Variants in DISP1 observed in about 807,000 individuals in gnomAD.
DISP1 encodes dispatched RND transporter family member 1.
A neutral mutation model predicts 37.3 loss-of-function variants in DISP1; 30 were observed. That is an observed-to-expected ratio of 0.80 (90% CI 0.60 to 1.09). The LOEUF (loss-of-function observed/expected upper bound fraction) is 1.09. Among genes scored for constraint, DISP1 ranks in the 50% least tolerant of loss-of-function variants. The pLI is 0.00. For missense variants in DISP1, 1,598 were observed against 1,879.5 expected, an observed-to-expected ratio of 0.85 and a Z score of 2.77; for synonymous variants, 634 against 690.2, an observed-to-expected ratio of 0.92 and a Z score of 1.28.
In DISP1 at chr1:222,937,497, G is replaced by A. The variant is rs74963732; in HGVS notation, c.-17-5310G>A. Among the ~76,000 whole-genome samples the A allele has an allele frequency of 2.0e-4, 31 of 152,226 alleles. No individual in the cohort carries two copies. In the East Asian group the frequency reaches 4.4e-3, roughly 22 times the overall value. ...TATATACAAGGGTATTAACACTCTC[G>A]TGTTATATAGCCCATTCTGGTTTTC... On this transcript the variant is annotated intron_variant, in intron 2 of 8. Transcript: ENST00000675850.
chr1:222,861,003 A>G (rs1335372561), intron 1 of DISP1, among the ~76,000 whole-genome samples: 2 of 152,264 alleles, frequency 1.3e-5, no homozygotes, highest in Non-Finnish European at 2.9e-5. Flanking sequence ...TTTGATAAAA[A>G]TAGAAATTTA....
intron 1 of DISP1, among the ~76,000 whole-genome samples, chr1:222,921,044 T>C (rs796146845): frequency 2.2e-4 from 33 of 152,344 alleles, no homozygotes; most frequent in African/African-American, 7.5e-4. Flanking sequence ...GCACAGTGGC[T>C]CACGCCTGTA....
intron 2 of DISP1, among the ~76,000 whole-genome samples, chr1:222,932,442 CTAAT>C (rs1673457822): frequency 6.6e-6 from 1 of 151,888 alleles, no homozygotes; most frequent in Non-Finnish European, 1.5e-5. Context: ...GTAGCAGAGT[CTAAT>C]TAAATGTTTT....
chr1:222,820,766 A>G (rs1409012127), intron 1 of DISP1, among the ~76,000 whole-genome samples: 1 of 152,196 alleles, frequency 6.6e-6, no homozygotes, highest in Non-Finnish European at 1.5e-5. Context: ...ATTATAGGAA[A>G]TACAAGATAA....
At position 222,949,070 on chromosome 1, in the gene DISP1, T is replaced by A. The variant is rs569529572; in HGVS notation, c.509+5738T>A. 5.0e-3 allele frequency among the ~76,000 whole-genome samples: 763 copies of A among 152,146 alleles called. 4 individuals carry two copies. Among genetic ancestry groups the A allele is most frequent in the African/African-American group, 0.013 (553 of 41,500 alleles). ...ATATCAACCATCTGTGTGTTTTTTT[T>A]AAAAAAAAATTCCTTTTTAGTGTTC... On this transcript the variant is annotated intron_variant, in intron 3 of 8. Transcript: ENST00000675850.
Position 223,003,861 on chromosome 1 carries a change from G to A in DISP1, c.2464G>A (p.Ala822Thr). 6.2e-7 allele frequency: 1 copy of A among 1,614,150 alleles called. No individual in the cohort carries two copies. Among genetic ancestry groups the A allele is most frequent in the Non-Finnish European group, 8.5e-7 (1 of 1,180,032 alleles). Residue 822 changes from alanine (A) to threonine (T), a missense_variant, in exon 9 of 9, where the codon GCT becomes ACT. Coordinates refer to ENST00000675850, the MANE Select transcript of DISP1 (RefSeq NM_001377229.1). The surrounding 1 kb of genome is among the most constrained non-coding windows in gnomAD (Gnocchi z 4.3). ...TAGCAGTTTTAACATCGCCAGCCCAGCTTCCCAGGCCTGGATTTTGCACTT... is the reference window on the plus strand; with the variant it reads ...TAGCAGTTTTAACATCGCCAGCCCAACTTCCCAGGCCTGGATTTTGCACTT... The part of the protein sequence containing the change: ...LDSSFNIASP[A>T]SQAWILHFCQ...
chr1:222,942,882 C>T lies in DISP1; in HGVS notation c.59C>T (p.Thr20Ile), dbSNP rs1166585916. 6.2e-7 allele frequency: 1 copy of T among 1,614,148 alleles called. No homozygotes were observed. The highest frequency in any genetic ancestry group is 1.7e-5 in the Admixed American group (1 of 60,028). Reference sequence around the variant, plus strand: ...GTTCTGAGCAACAGCAGCATCGCAACCAGTGCTGCTAACCCGAGTCCCCTC... The same window carrying T: ...GTTCTGAGCAACAGCAGCATCGCAATCAGTGCTGCTAACCCGAGTCCCCTC... ...FVVLSNSSIATSAANPSPLTP... is the reference protein window; with the variant it reads ...FVVLSNSSIAISAANPSPLTP... The change falls in exon 3 of 9, where the codon ACC becomes ATC. Residue 20 changes from threonine (T) to isoleucine (I), a missense_variant. Thr to Ile is a moderately conservative substitution (Grantham distance 89, BLOSUM62 -1). Coordinates refer to ENST00000675850, the MANE Select transcript of DISP1 (RefSeq NM_001377229.1).
At position 222,933,167 on chromosome 1, in the gene DISP1, G is replaced by T. The variant is rs574945828; in HGVS notation, c.-18+4597G>T. On this transcript the variant is annotated intron_variant, in intron 2 of 8. Transcript: ENST00000675850. ...GCAGATATACTGCAATATCGTTAAG[G>T]TTATTTTACATTCATATTTTTTGTT... is the stretch of plus-strand genomic sequence containing the variant. Among the ~76,000 whole-genome samples, 5 of 152,006 alleles carry T rather than the reference G, an allele frequency of 3.3e-5. No homozygotes were observed. In the East Asian group the frequency reaches 9.6e-4, roughly 29 times the overall value.
chr1:222,999,800 A>G (rs1450527066), intron 8 of DISP1, among the ~76,000 whole-genome samples: 1 of 152,166 alleles, frequency 6.6e-6, no homozygotes, highest in Non-Finnish European at 1.5e-5. Context: ...AACTCAGGGT[A>G]GAGAAAACCA....
At chr1:222,967,963 A>G (rs1676632961) in intron 3 of DISP1, among the ~76,000 whole-genome samples, 1 of 152,192 alleles carries the variant, frequency 6.6e-6, no homozygotes, top group Admixed American at 6.5e-5. Flanking sequence ...CAAGCTACAG[A>G]TGCAAGAATA....
chr1:222,904,388 A>G (rs1671781066), intron 1 of DISP1, among the ~76,000 whole-genome samples: 1 of 152,092 alleles, frequency 6.6e-6, no homozygotes, highest in Non-Finnish European at 1.5e-5. Flanking sequence ...GATATTATTT[A>G]TATAGAAACA....
intron 1 of DISP1, among the ~76,000 whole-genome samples, chr1:222,856,477 G>A (rs1249702031): frequency 2.0e-5 from 3 of 152,102 alleles, no homozygotes; most frequent in African/African-American, 4.8e-5. Context: ...TTTCTTTTAG[G>A]GCTAGTATAG....
intron 1 of DISP1, among the ~76,000 whole-genome samples, chr1:222,826,347 C>T (rs1664386228): frequency 6.7e-6 from 1 of 149,390 alleles, no homozygotes; most frequent in African/African-American, 2.5e-5. Context: ...GGCTCAATTG[C>T]AGATTTGTAG....
intron 2 of DISP1, among the ~76,000 whole-genome samples, chr1:222,929,002 T>C (rs982730675): frequency 6.6e-6 from 1 of 152,206 alleles, no homozygotes; most frequent in African/African-American, 2.4e-5. Context: ...TTAGTCACTT[T>C]TGTGAATTAA....
intron 3 of DISP1, among the ~76,000 whole-genome samples, chr1:222,949,082 C>T (rs75336311): frequency 0.094 from 14,223 of 151,638 alleles, 990 homozygotes; most frequent in Non-Finnish European, 0.13. Flanking sequence ...AAAAAAAATT[C>T]CTTTTTAGTG....
intron 1 of DISP1, among the ~76,000 whole-genome samples, chr1:222,818,258 A>G (rs1300994133): frequency 6.6e-6 from 1 of 152,212 alleles, no homozygotes; most frequent in Admixed American, 6.5e-5. Flanking sequence ...TAGAATTGCC[A>G]GCTCCTGGTG....
At chr1:222,973,644 C>T (rs75690212) in intron 3 of DISP1, among the ~76,000 whole-genome samples, 231 of 152,238 alleles carry the variant, frequency 1.5e-3, no homozygotes, top group African/African-American at 5.4e-3. Context: ...ATTAAGGTTG[C>T]TCTCACTTAT....
At chr1:222,848,858 T>C (rs949831542) in intron 1 of DISP1, among the ~76,000 whole-genome samples, 10 of 152,170 alleles carry the variant, frequency 6.6e-5, no homozygotes, top group Non-Finnish European at 1.5e-4. Context: ...CACTGAGGCA[T>C]TTTTCTAAAT....
At chr1:222,884,915 C>T (rs1670493253) in intron 1 of DISP1, among the ~76,000 whole-genome samples, 1 of 152,184 alleles carries the variant, frequency 6.6e-6, no homozygotes, top group South Asian at 2.1e-4. Context: ...TGGCTCACTG[C>T]AACCTCCGCC....
Sources: allele counts gnomAD v4.1 joint callset (sites outside exome capture counted in the v4.1 genomes callset), GRCh38; gene constraint gnomAD v4.1.1; non-coding constraint Gnocchi (gnomAD v3.1); transcripts MANE v1.5; gene names NCBI Gene and HGNC (gene_info 2026-07-23, HGNC 2026-07-21).